Variants in ARHGEF11 observed in about 807,000 individuals in gnomAD.
ARHGEF11 encodes the protein Rho guanine exchange factor (GEF) 11.
A neutral mutation model predicts 193.7 loss-of-function variants in ARHGEF11; 55 were observed. That is an observed-to-expected ratio of 0.28 (90% CI 0.23 to 0.36). The LOEUF is 0.36. Among genes scored for constraint, ARHGEF11 ranks in the 10% least tolerant of loss-of-function variants. The pLI, the probability that ARHGEF11 is intolerant of heterozygous loss-of-function variation, is 1.00. For missense variants in ARHGEF11, 1,723 were observed against 2,005.6 expected (o/e 0.86, Z 2.69); for synonymous variants, 693 against 768.0 (o/e 0.90, Z 1.62).
In ARHGEF11 at chr1:156,991,362, C is replaced by T. The variant is rs114482018; in HGVS notation, c.33-5189G>A. ...TGAGACAGGGTTTCACTCCGTCGCCCAGACTAGAGTGCAGTGGCACAATTA... is the reference window on the plus strand; with the variant it reads ...TGAGACAGGGTTTCACTCCGTCGCCTAGACTAGAGTGCAGTGGCACAATTA... On this transcript the variant is annotated intron_variant, in intron 1 of 40. Coordinates refer to ENST00000368194, the MANE Select transcript of ARHGEF11 (RefSeq NM_198236.3). Among the ~76,000 whole-genome samples, 1,413 of 152,328 alleles carry T rather than the reference C, an allele frequency of 9.3e-3. 25 individuals are homozygous for T. Among genetic ancestry groups the T allele is most frequent in the African/African-American group, 0.033 (1,352 of 41,570 alleles).
At chr1:157,004,304 A>G (rs1303721751) in intron 1 of ARHGEF11, among the ~76,000 whole-genome samples, 1 of 152,100 alleles carries the variant, frequency 6.6e-6, no homozygotes. Flanking sequence ...TTAAGGATTC[A>G]CTCTGCTCCC....
Position 156,951,573 on chromosome 1 carries a change from C to A in ARHGEF11, c.1925G>T (p.Ser642Ile). 1 of 1,613,746 alleles carries A rather than the reference C, an allele frequency of 6.2e-7. No homozygotes were observed. The highest frequency in any genetic ancestry group is 2.2e-5 in the East Asian group (1 of 44,896). ...SFPEDLLESDSSRSEIRLGRS... is the reference protein window; with the variant it reads ...SFPEDLLESDISRSEIRLGRS... ...GCGAGTCCCATCCAGCCAGTGCTAC[C>A]TGTCACTCTCCAGCAGGTCCTCAGG... Residue 642 changes from serine to isoleucine, a missense_variant and splice_region_variant, in exon 22 of 41, where the codon AGT becomes ATT. Ser to Ile is a moderately radical substitution (Grantham distance 142). Around this residue, in one of 5 missense-constraint regions of ARHGEF11, gnomAD observed 491 missense variants for 654.5 expected, o/e 0.75. Coordinates refer to ENST00000368194, the MANE Select transcript of ARHGEF11 (RefSeq NM_198236.3).
chr1:156,986,020 G>C, intron 2 of ARHGEF11, 62 bp downstream of exon 2: 1 of 1,411,552 alleles, frequency 7.1e-7, no homozygotes, highest in Non-Finnish European at 1.0e-6. Context: ...CAAGTAGCTG[G>C]GAATACAGGC....
At chr1:156,963,111 C>T in intron 13 of ARHGEF11, 92 bp downstream of exon 13, 1 of 998,140 alleles carries the variant, frequency 1.0e-6, no homozygotes, top group Non-Finnish European at 1.6e-6. Flanking sequence ...ATGGATCTGA[C>T]TTGTAACAGC....
chr1:156,967,461 C>T (rs747726590), intron 11 of ARHGEF11, among the ~76,000 whole-genome samples: 3 of 152,198 alleles, frequency 2.0e-5, no homozygotes, highest in Non-Finnish European at 4.4e-5. Context: ...TCTAGCTCCA[C>T]CCTTGAGAGC....
chr1:156,946,076 C>T lies in ARHGEF11; in HGVS notation c.2781G>A (p.Leu927=). The change falls in exon 29 of 41, where the codon CTG becomes CTA. Residue 927 remains leucine, a synonymous_variant. Coordinates refer to ENST00000368194, the MANE Select transcript of ARHGEF11 (RefSeq NM_198236.3). ...SEMQRLTKYP[L]LLESIIKHTE... is the part of the protein sequence containing the mutation. ...TGTGCTTGATGATGCTCTCCAGCAGCAGCGGGTACTTGGTGAGCCGCTGCA... is the reference window on the plus strand; with the variant it reads ...TGTGCTTGATGATGCTCTCCAGCAGTAGCGGGTACTTGGTGAGCCGCTGCA... 6.2e-7 allele frequency: 1 copy of T among 1,613,682 alleles called. No homozygotes were observed. The highest frequency in any genetic ancestry group is 1.1e-5 in the South Asian group (1 of 91,054).
chr1:156,942,911 G>C (rs747423958), intron 32 of ARHGEF11, 131 bp from the exon 33 acceptor site: 86 of 700,728 alleles, frequency 1.2e-4, no homozygotes, highest in Non-Finnish European at 2.0e-4. Flanking sequence ...GCACGAGACA[G>C]ATGTGGATCT....
rs1282544696 is a variant in ARHGEF11 at position 157,029,265 on chromosome 1, T to TTGTTGTTGC, written c.32+15033_32+15034insGCAACAACA. On this transcript the variant is annotated intron_variant, in intron 1 of 40. Coordinates refer to ENST00000368194, the MANE Select transcript of ARHGEF11 (RefSeq NM_198236.3). ...GGTGCAACCACTTTGGTGGTTTTTG[T>TTGTTGTTGC]TGTTGTTGTTGTTGTTGTTTTTGAG... is the stretch of plus-strand genomic sequence containing the variant. Among the ~76,000 whole-genome samples the TTGTTGTTGC allele has an allele frequency of 3.3e-5, 5 of 150,718 alleles. No individual in the cohort carries two copies. In the East Asian group the frequency reaches 9.7e-4, roughly 29 times the overall value.
intron 1 of ARHGEF11, among the ~76,000 whole-genome samples, chr1:157,037,421 A>C (rs950700266): frequency 6.6e-6 from 1 of 152,162 alleles, no homozygotes; most frequent in African/African-American, 2.4e-5. Flanking sequence ...TAAAGTCTGA[A>C]TCCCTTCATT....
chr1:157,019,950 C>T (rs891789375), intron 1 of ARHGEF11, among the ~76,000 whole-genome samples: 1 of 151,966 alleles, frequency 6.6e-6, no homozygotes, highest in Non-Finnish European at 1.5e-5. Flanking sequence ...CATGGTGAAA[C>T]CCCATCTCTA....
chr1:156,952,244 G>A (rs1247921561), intron 21 of ARHGEF11, among the ~76,000 whole-genome samples: 1 of 152,120 alleles, frequency 6.6e-6, no homozygotes, highest in East Asian at 1.9e-4. Context: ...AGGTGACCTA[G>A]GAGGAACAGA....
Position 156,948,442 on chromosome 1 carries a change from A to G in ARHGEF11, c.1982T>C (p.Met661Thr). Reference sequence around the variant, plus strand: ...GTTCTCTGCCTTTCGAGACCGTTTCATCTCTTCCCGGCCCTTGAGGCTTTC... The same window carrying G: ...GTTCTCTGCCTTTCGAGACCGTTTCGTCTCTTCCCGGCCCTTGAGGCTTTC... The part of the protein sequence containing the change: ...RSESLKGREE[M>T]KRSRKAENVP... The change falls in exon 23 of 41, where the codon ATG becomes ACG. Residue 661 changes from methionine (M) to threonine (T), a missense_variant. Met to Thr is a moderately conservative substitution (Grantham distance 81). Around this residue, in one of 5 missense-constraint regions of ARHGEF11, gnomAD observed 491 missense variants for 654.5 expected, o/e 0.75. Coordinates refer to ENST00000368194, the MANE Select transcript of ARHGEF11 (RefSeq NM_198236.3). The surrounding 1 kb of genome is among the most constrained non-coding windows in gnomAD (Gnocchi z 4.2). 6.2e-7 allele frequency: 1 copy of G among 1,614,244 alleles called. No homozygotes were observed. Among genetic ancestry groups the G allele is most frequent in the Non-Finnish European group, 8.5e-7 (1 of 1,180,046 alleles).
At chr1:156,969,521 A>G (rs1365887962) in intron 9 of ARHGEF11, among the ~76,000 whole-genome samples, 163 bp from the exon 10 acceptor site, 1 of 152,090 alleles carries the variant, frequency 6.6e-6, no homozygotes, top group Non-Finnish European at 1.5e-5. Flanking sequence ...AGACTCGGAC[A>G]CTTCCCGGCA....
intron 4 of ARHGEF11, 72 bp from the exon 5 acceptor site, chr1:156,979,358 CCA>C: frequency 9.8e-7 from 1 of 1,015,988 alleles, no homozygotes; most frequent in Non-Finnish European, 1.4e-6. Context: ...GTTCAAAATG[CCA>C]CTTTTTTTTT....
At chr1:157,037,080 A>G (rs1415962034) in intron 1 of ARHGEF11, among the ~76,000 whole-genome samples, 1 of 152,198 alleles carries the variant, frequency 6.6e-6, no homozygotes, top group Non-Finnish European at 1.5e-5. Flanking sequence ...GTGAGCCAAG[A>G]TCGTGCCATG....
At chr1:156,970,172 C>A in intron 8 of ARHGEF11, 129 bp from the exon 9 acceptor site, 2 of 725,184 alleles carry the variant, frequency 2.8e-6, no homozygotes, top group Non-Finnish European at 4.8e-6. Flanking sequence ...CAAAAATGCC[C>A]AGCTAGAAGA....
chr1:157,022,563 G>A (rs1342209159), intron 1 of ARHGEF11, among the ~76,000 whole-genome samples: 1 of 152,168 alleles, frequency 6.6e-6, no homozygotes, highest in South Asian at 2.1e-4. Context: ...TTATGGGTTG[G>A]AAGGTTTAAA....
At position 156,956,565 on chromosome 1, in the gene ARHGEF11, C is replaced by T; in HGVS notation, c.1527-1G>A. On this transcript the variant is annotated splice_acceptor_variant, in intron 18 of 40. Coordinates refer to ENST00000368194, the MANE Select transcript of ARHGEF11 (RefSeq NM_198236.3). LOFTEE classifies it high-confidence loss of function. ...ATTGAGGGCGAAGTCCATGGGGGCG[C>T]TGTAAAAGAGGAACAGTGTCCTGAA... 6.2e-7 allele frequency: 1 copy of T among 1,614,080 alleles called. No homozygotes were observed. The highest frequency in any genetic ancestry group is 2.2e-5 in the East Asian group (1 of 44,882).
intron 1 of ARHGEF11, among the ~76,000 whole-genome samples, chr1:157,038,947 G>A (rs1044006544): frequency 2.0e-5 from 3 of 152,138 alleles, no homozygotes; most frequent in Non-Finnish European, 4.4e-5. Flanking sequence ...TGAGCCTGGG[G>A]AGGTCAAGGC....
Sources: gnomAD v4.1 joint callset for allele counts (sites outside exome capture counted in the v4.1 genomes callset) on GRCh38, gnomAD v4.1.1 for gene constraint, gnomAD v4.1.1 regional missense constraint, Gnocchi (gnomAD v3.1) non-coding constraint, MANE v1.5 for transcripts, NCBI Gene and HGNC (gene_info 2026-07-23, HGNC 2026-07-21) for gene names.